GPC5: variants seen among roughly 807,000 people sequenced by gnomAD.
GPC5 encodes the protein glypican-5.
Under a neutral mutation model 53.9 loss-of-function variants are expected in GPC5, and 47 were observed. That is an observed-to-expected ratio of 0.87 (90% CI 0.69 to 1.11). The LOEUF (loss-of-function observed/expected upper bound fraction) is 1.11. GPC5 is among the 50% of genes most tolerant of loss of function. The pLI is 0.00. For synonymous variants in GPC5, 286 were observed against 263.3 expected (o/e 1.09, Z -0.84); for missense variants, 748 against 713.1 (o/e 1.05, Z -0.56).
intron 2 of GPC5, among the ~76,000 whole-genome samples, chr13:91,619,092 AACTT>A (rs1426399621): frequency 6.6e-6 from 1 of 152,038 alleles, no homozygotes; most frequent in East Asian, 1.9e-4. Flanking sequence ...GGAGAGAATT[AACTT>A]ACTTCAGAAA....
intron 6 of GPC5, among the ~76,000 whole-genome samples, chr13:91,933,888 A>G (rs1416057235): frequency 6.6e-6 from 1 of 151,832 alleles, no homozygotes. Context: ...CAATTTTGTT[A>G]TATTAGCTGT....
At chr13:92,192,053 G>GA (rs2139048992) in intron 7 of GPC5, among the ~76,000 whole-genome samples, 1 of 152,246 alleles carries the variant, frequency 6.6e-6, no homozygotes, top group South Asian at 2.1e-4. Flanking sequence ...TGGTGACAGT[G>GA]AAAAAATTAG....
chr13:92,327,567 T>C lies in GPC5; in HGVS notation c.1561+182578T>C, dbSNP rs183097298. Among the ~76,000 whole-genome samples the C allele has an allele frequency of 2.1e-3, 315 of 152,226 alleles. 4 individuals are homozygous for C. Among genetic ancestry groups the C allele is most frequent in the African/African-American group, 7.2e-3 (300 of 41,570 alleles). On this transcript the variant is annotated intron_variant, in intron 7 of 7. Coordinates refer to ENST00000377067, the MANE Select transcript of GPC5 (RefSeq NM_004466.6). ...CTGCTGGAGCAGGCAGAATAGCTTG[T>C]TTCATTTCTGCAGTAGCTAACATAA...
chr13:91,981,490 C>T (rs1049410945), intron 6 of GPC5, among the ~76,000 whole-genome samples: 7 of 152,146 alleles, frequency 4.6e-5, no homozygotes, highest in African/African-American at 1.4e-4. Context: ...TGGGTTTCAC[C>T]GTGTTAGCCA....
intron 7 of GPC5, among the ~76,000 whole-genome samples, chr13:92,628,369 G>A (rs1253611118): frequency 2.8e-5 from 4 of 141,170 alleles, no homozygotes; most frequent in South Asian, 2.3e-4. Flanking sequence ...TCCGCCTCCC[G>A]GGCTCATGCC....
At chr13:91,843,729 G>T (rs888802586) in intron 5 of GPC5, among the ~76,000 whole-genome samples, 11 of 152,184 alleles carry the variant, frequency 7.2e-5, no homozygotes, top group Non-Finnish European at 1.6e-4. Flanking sequence ...GAGGAAGGGA[G>T]ATACCTTTGG....
chr13:91,504,792 A>T (rs1253018042), intron 2 of GPC5, among the ~76,000 whole-genome samples: 1 of 143,006 alleles, frequency 7.0e-6, no homozygotes, highest in Non-Finnish European at 1.5e-5. Context: ...ACCCATCTCT[A>T]AAAAAAAAAT....
intron 2 of GPC5, among the ~76,000 whole-genome samples, chr13:91,478,881 T>TATATATATATATATATA (rs1555312577): frequency 1.5e-5 from 1 of 67,500 alleles, no homozygotes; most frequent in African/African-American, 6.6e-5. Context: ...TATATACACA[T>TATATATATATATATATA]TATATATATA....
intron 7 of GPC5, among the ~76,000 whole-genome samples, chr13:92,575,866 A>G (rs983938091): frequency 3.9e-5 from 6 of 152,210 alleles, no homozygotes; most frequent in Non-Finnish European, 7.3e-5. Flanking sequence ...AAGAGAAAGC[A>G]TTCAACTACA....
intron 2 of GPC5, among the ~76,000 whole-genome samples, chr13:91,688,984 C>G (rs1016526776): frequency 1.3e-5 from 2 of 151,098 alleles, no homozygotes; most frequent in East Asian, 3.9e-4. Context: ...CATAGCAAGA[C>G]CCCATCTCAA....
At position 92,495,703 on chromosome 13, in the gene GPC5, C is replaced by T. The variant is rs184185177; in HGVS notation, c.1561+350714C>T. Reference sequence around the variant, plus strand: ...TTCATTGGTTCCTTTTGTAGACAGGCGGTTTTTTGTTTTTGTTGTTGTTGT... The same window carrying T: ...TTCATTGGTTCCTTTTGTAGACAGGTGGTTTTTTGTTTTTGTTGTTGTTGT... On this transcript the variant is annotated intron_variant, in intron 7 of 7. Transcript: ENST00000377067. 2.4e-3 allele frequency among the ~76,000 whole-genome samples: 367 copies of T among 150,758 alleles called. 1 individual carries two copies. The highest frequency in any genetic ancestry group is 8.2e-3 in the African/African-American group (336 of 41,032).
chr13:92,808,648 C>G (rs542659931), intron 7 of GPC5, among the ~76,000 whole-genome samples: 1 of 151,960 alleles, frequency 6.6e-6, no homozygotes, highest in Non-Finnish European at 1.5e-5. Context: ...AATATTTACC[C>G]TGAGATGTAT....
intron 7 of GPC5, among the ~76,000 whole-genome samples, chr13:92,706,563 A>G (rs1887958646): frequency 6.6e-6 from 1 of 152,098 alleles, no homozygotes; most frequent in South Asian, 2.1e-4. Flanking sequence ...TTTTCGTCTT[A>G]CTGCCCTTAG....
intron 6 of GPC5, chr13:91,996,492 T>C (rs147346499): frequency 1.3e-5 from 2 of 152,378 alleles, no homozygotes; most frequent in Admixed American, 6.5e-5. Flanking sequence ...TATTTATTTC[T>C]GCAAATCCTA....
intron 7 of GPC5, among the ~76,000 whole-genome samples, chr13:92,669,918 C>G (rs1886691050): frequency 6.6e-6 from 1 of 152,160 alleles, no homozygotes; most frequent in African/African-American, 2.4e-5. Flanking sequence ...AATCCCTAGA[C>G]AAGGATCTTT....
At chr13:92,742,114 T>G (rs1268784392) in intron 7 of GPC5, among the ~76,000 whole-genome samples, 1 of 151,672 alleles carries the variant, frequency 6.6e-6, no homozygotes, top group African/African-American at 2.4e-5. Context: ...ATGGGATGGC[T>G]GGGTCAAATG....
intron 5 of GPC5, among the ~76,000 whole-genome samples, chr13:91,808,818 G>A (rs910182015): frequency 6.6e-6 from 1 of 152,116 alleles, no homozygotes; most frequent in Non-Finnish European, 1.5e-5. Flanking sequence ...TATGGGAATA[G>A]GACTAAGCTA....
intron 7 of GPC5, among the ~76,000 whole-genome samples, chr13:92,728,153 G>T (rs9301833): frequency 0.16 from 23,597 of 151,328 alleles, 2,115 homozygotes; most frequent in Non-Finnish European, 0.21. Context: ...GTCTCTCAAT[G>T]CATTATTTGC....
rs180697629 is a variant in GPC5 at position 92,620,736 on chromosome 13, G to A, written c.1562-245546G>A. 1.1e-3 allele frequency among the ~76,000 whole-genome samples: 164 copies of A among 152,168 alleles called. No individual in the cohort carries two copies. The Middle Eastern group carries it at 0.014, about 13-fold the overall frequency. The stretch of plus-strand genomic sequence containing the variant: ...GCAGAGTGTGGGAAGTCAGGGAAGG[G>A]AGAATACAAATTTACAATATATTAG... On this transcript the variant is annotated intron_variant, in intron 7 of 7. Transcript: ENST00000377067.
Sources: gnomAD v4.1 joint callset for allele counts (sites outside exome capture counted in the v4.1 genomes callset) on GRCh38, gnomAD v4.1.1 for gene constraint, MANE v1.5 for transcripts, NCBI Gene and HGNC (gene_info 2026-07-23, HGNC 2026-07-21) for gene names.